The following CEP164 variants were observed in gnomAD, a reference collection of about 807,000 sequenced individuals.
CEP164 encodes centrosomal protein 164, also known as centrosomal protein of 164 kDa.
In CEP164, 162 loss-of-function variants were observed where a neutral mutation model predicts 182.7. The ratio of observed to expected loss-of-function variants is 0.89; its 90% CI spans 0.78 to 1.01. CEP164 has a LOEUF of 1.01. CEP164 is among the 50% of genes least tolerant of loss of function. CEP164 has a pLI of 0.00. For missense variants in CEP164, 1,735 were observed against 1,790.4 expected, an observed-to-expected ratio of 0.97 and a Z score of 0.56; for synonymous variants, 661 against 690.0, an observed-to-expected ratio of 0.96 and a Z score of 0.66.
rs775902514 is a variant in CEP164 at position 117,344,183 on chromosome 11, C to T, written c.100C>T (p.Arg34Trp). Reference sequence around the variant, plus strand: ...CCTTGCAGAAATTCTTGAATTTGCCCGGGAGATTGGTATTGATCCCATCAA... The same window carrying T: ...CCTTGCAGAAATTCTTGAATTTGCCTGGGAGATTGGTATTGATCCCATCAA... ...PSEQEILEFA[R>W]EIGIDPIKEP... The change falls in exon 4 of 33, where the codon CGG becomes TGG. Residue 34 changes from arginine to tryptophan, a missense_variant. Arg to Trp is a moderately radical substitution (Grantham distance 101). Coordinates refer to ENST00000278935, the MANE Select transcript of CEP164 (RefSeq NM_014956.5). 25 of 1,611,452 alleles carry T rather than the reference C, an allele frequency of 1.6e-5. No homozygotes were observed. The highest frequency in any genetic ancestry group is 1.5e-4 in the Admixed American group (9 of 59,638).
chr11:117,352,423 T>G (rs1220884232), intron 5 of CEP164, among the ~76,000 whole-genome samples: 1 of 152,146 alleles, frequency 6.6e-6, no homozygotes, highest in Non-Finnish European at 1.5e-5. Flanking sequence ...TGTCTTAAAG[T>G]GGTGTGAATT....
rs1219683444 is a variant in CEP164 at position 117,390,726 on chromosome 11, G to A, written c.1935-51G>A. The A allele has an allele frequency of 3.7e-6, 6 of 1,610,152 alleles. No homozygotes were observed. In the African/African-American group the frequency reaches 8.0e-5, roughly 22 times the overall value. On this transcript the variant is annotated intron_variant, in intron 15 of 32. Coordinates refer to ENST00000278935, the MANE Select transcript of CEP164 (RefSeq NM_014956.5). ...TGAGAGCCATAGCTTATGAATAGAA[G>A]AAAGACCTTTGTGGTTTCTCTGACA...
chr11:117,334,658 G>T (rs571677224), intron 1 of CEP164, among the ~76,000 whole-genome samples: 146 of 152,088 alleles, frequency 9.6e-4, no homozygotes, highest in African/African-American at 3.3e-3. Flanking sequence ...TGGTGGGGGT[G>T]CCTGTAATCC....
rs926665141 is a variant in CEP164, at chr11:117,375,916, C to A, written c.1317+125C>A. On this transcript the variant is annotated intron_variant, in intron 11 of 32. Transcript: ENST00000278935. ...TCTGTAAGTCCTCTCCCTTCTAATT[C>A]ATTAAGGCATGGTCCTGACTGCCTT... 26 of 768,176 alleles carry A rather than the reference C, an allele frequency of 3.4e-5. 2 individuals carry two copies. The highest frequency in any genetic ancestry group is 5.1e-5 in the East Asian group (2 of 39,428). The allele number at this position is 768,176 out of a possible 1,614,324, so 47.6% of individuals were successfully genotyped here.
rs2044907587 is a variant in CEP164 at position 117,393,143 on chromosome 11, C to T, written c.2616+17C>T. The T allele has an allele frequency of 1.1e-5, 18 of 1,610,322 alleles. No homozygotes were observed. Among genetic ancestry groups the T allele is most frequent in the Non-Finnish European group, 1.5e-5 (18 of 1,178,370 alleles). The stretch of plus-strand genomic sequence containing the variant: ...GAAGCTGAGGTAGCTCAGCCACATC[C>T]CCTGCGCGCATGCACACACATGCAC... On this transcript the variant is annotated intron_variant, in intron 20 of 32. Coordinates refer to ENST00000278935, the MANE Select transcript of CEP164 (RefSeq NM_014956.5).
chr11:117,356,448 C>T, intron 5 of CEP164: 1 of 1,264,718 alleles, frequency 7.9e-7, no homozygotes, highest in South Asian at 1.3e-5. Context: ...TCATGGGAGC[C>T]AGAGCTGCTG....
At position 117,362,494 on chromosome 11, in the gene CEP164, G is replaced by A; in HGVS notation, c.643G>A (p.Gly215Arg). The change falls in exon 7 of 33, where the codon GGA (glycine) becomes AGA (arginine). Residue 215 changes from glycine to arginine, a missense_variant. Transcript: ENST00000278935. ...GACTGCTCTCAGCCTCTTGGGTTTAGGAGAAGAAACCAATGAGGAGGATGA... is the reference window on the plus strand; with the variant it reads ...GACTGCTCTCAGCCTCTTGGGTTTAAGAGAAGAAACCAATGAGGAGGATGA... ...DKTALSLLGL[G>R]EETNEEDEEE... 6.2e-7 allele frequency: 1 copy of A among 1,613,624 alleles called. No homozygotes were observed. The highest frequency in any genetic ancestry group is 8.5e-7 in the Non-Finnish European group (1 of 1,179,814).
chr11:117,395,892 T>C (rs1414999519), intron 24 of CEP164, among the ~76,000 whole-genome samples, 162 bp from the exon 25 acceptor site: 1 of 152,128 alleles, frequency 6.6e-6, no homozygotes, highest in Non-Finnish European at 1.5e-5. Context: ...GTTAAGATTC[T>C]GTGAAAAGCA....
chr11:117,333,093 G>A (rs2036464981), intron 1 of CEP164, among the ~76,000 whole-genome samples: 1 of 152,156 alleles, frequency 6.6e-6, no homozygotes, highest in Non-Finnish European at 1.5e-5. Context: ...GCTCACTGTA[G>A]CCTTGAACTC....
chr11:117,368,422 G>T (rs2041874768), intron 8 of CEP164, among the ~76,000 whole-genome samples: 1 of 152,186 alleles, frequency 6.6e-6, no homozygotes, highest in South Asian at 2.1e-4. Flanking sequence ...TAAGGGCTGT[G>T]GGCCAAGTAG....
intron 8 of CEP164, among the ~76,000 whole-genome samples, chr11:117,366,515 A>G (rs1360997943): frequency 2.0e-5 from 3 of 152,180 alleles, no homozygotes; most frequent in Non-Finnish European, 2.9e-5. Flanking sequence ...CAAATCCAGG[A>G]GGCTGAAGGG....
chr11:117,332,094 G>A (rs936512752), intron 1 of CEP164, among the ~76,000 whole-genome samples: 18 of 151,612 alleles, frequency 1.2e-4, no homozygotes, highest in African/African-American at 4.1e-4. Context: ...ATAGTATTGG[G>A]ATTACCGGTG....
chr11:117,330,564 A>G (rs1433861492), intron 1 of CEP164, among the ~76,000 whole-genome samples: 3 of 152,180 alleles, frequency 2.0e-5, no homozygotes, highest in African/African-American at 7.2e-5. Context: ...CAGGAGCATC[A>G]TTTGAACCTG....
chr11:117,329,442 A>T (rs1402465539), intron 1 of CEP164, among the ~76,000 whole-genome samples: 2 of 152,156 alleles, frequency 1.3e-5, no homozygotes, highest in African/African-American at 4.8e-5. Context: ...CACTCTGGTC[A>T]TGTCAGAATG....
In CEP164 at chr11:117,321,870, G is replaced by GTT. The variant is rs59641024; in HGVS notation, c.-98+7150_-98+7151dup. Among the ~76,000 whole-genome samples the GTT allele has an allele frequency of 5.9e-3, 883 of 150,232 alleles. 9 individuals are homozygous for GTT. The highest frequency in any genetic ancestry group is 0.029 in the South Asian group (137 of 4,730). On this transcript the variant is annotated intron_variant, in intron 1 of 4. Coordinates refer to the CEP164 transcript ENST00000525734. ...CCATCAAGCCTGGTTAAATTTTTGG[G>GTT]TTTTTTTTTAAGAGATTGGGTCTCA...
In CEP164 at chr11:117,408,429, G is replaced by C. The variant is rs561811405; in HGVS notation, c.3609+397G>C. 3 of 231,610 alleles carry C rather than the reference G, an allele frequency of 1.3e-5. No individual in the cohort carries two copies. The South Asian group carries it at 2.2e-4, about 17-fold the overall frequency. The allele number at this position is 231,610 out of a possible 1,614,324, so 14.3% of individuals were successfully genotyped here. On this transcript the variant is annotated intron_variant, in intron 28 of 32. Transcript: ENST00000278935. ...TAGATGTCTGAGGCTTAGGTGTAGC[G>C]GGGGAGGCTTAGGTGGAGTAACACT...
At chr11:117,372,391 G>A (rs867378771) in intron 9 of CEP164, among the ~76,000 whole-genome samples, 2 of 151,496 alleles carry the variant, frequency 1.3e-5, no homozygotes, top group African/African-American at 2.4e-5. Context: ...GATTATCGGC[G>A]TGAACCACTG....
At chr11:117,362,072 G>A (rs982800833) in intron 6 of CEP164, 79 bp downstream of exon 6, 15 of 1,357,010 alleles carry the variant, frequency 1.1e-5, no homozygotes, top group Non-Finnish European at 1.5e-5. Context: ...TATGGCCTAG[G>A]GGTGAGAAAT....
upstream of CEP164, chr11:117,323,856 AT>A: frequency 1.4e-5 from 6 of 415,584 alleles, no homozygotes; most frequent in Non-Finnish European, 3.0e-5. Flanking sequence ...AACGTTGAAC[AT>A]TTTTTCACGT....
Sources: gnomAD v4.1 joint callset for allele counts (sites outside exome capture counted in the v4.1 genomes callset) on GRCh38, gnomAD v4.1.1 for gene constraint, MANE v1.5 for transcripts, NCBI Gene and HGNC (gene_info 2026-07-23, HGNC 2026-07-21) for gene names.